Variants in RASA3 observed in about 807,000 individuals in gnomAD.
RASA3 encodes ras GTPase-activating protein 3.
In RASA3, 73 loss-of-function variants were observed where a neutral mutation model predicts 110.0. The ratio of observed to expected loss-of-function variants is 0.66; its 90% CI spans 0.55 to 0.81. The LOEUF is 0.81. Among genes scored for constraint, RASA3 ranks in the 30% least tolerant of loss-of-function variants. The probability of loss-of-function intolerance (pLI) is 0.00; values close to 1 mark genes in which losing one functional copy is unlikely to be tolerated. For missense variants in RASA3, 976 were observed against 1,113.2 expected (o/e 0.88, Z 1.75); for synonymous variants, 500 against 451.4 (o/e 1.11, Z -1.37).
At chr13:114,043,303 A>G (rs1005271151) in intron 3 of RASA3, among the ~76,000 whole-genome samples, 2 of 152,180 alleles carry the variant, frequency 1.3e-5, no homozygotes, top group African/African-American at 2.4e-5. Flanking sequence ...GAGAGACGGA[A>G]TCAGGACAGT....
At chr13:114,033,175 C>T (rs201040866) in intron 4 of RASA3, among the ~76,000 whole-genome samples, 19 of 64,984 alleles carry the variant, frequency 2.9e-4, no homozygotes, top group East Asian at 5.8e-4. Flanking sequence ...ACTGACACCA[C>T]GCCCCACGGC....
chr13:114,095,506 C>G (rs951451317), intron 1 of RASA3, among the ~76,000 whole-genome samples: 2 of 152,202 alleles, frequency 1.3e-5, no homozygotes, highest in African/African-American at 4.8e-5. Flanking sequence ...CCTCCTGCAC[C>G]TGGCTTCCTT....
At chr13:114,043,631 T>G (rs1370981516) in intron 3 of RASA3, among the ~76,000 whole-genome samples, 1 of 151,798 alleles carries the variant, frequency 6.6e-6, no homozygotes, top group Non-Finnish European at 1.5e-5. Flanking sequence ...AAACCACCAC[T>G]GAGGGCAGGC....
At chr13:113,992,195 A>C (rs1013993292) in intron 22 of RASA3, among the ~76,000 whole-genome samples, 9 of 152,256 alleles carry the variant, frequency 5.9e-5, no homozygotes, top group African/African-American at 1.9e-4. Context: ...CTGGAAAACA[A>C]AGGAATGAAA....
intron 2 of RASA3, among the ~76,000 whole-genome samples, chr13:114,072,928 C>T (rs1594424254): frequency 7.4e-6 from 1 of 135,072 alleles, no homozygotes; most frequent in Non-Finnish European, 1.5e-5. Context: ...ACGCTCAGGA[C>T]ATTCTCTACA....
At chr13:114,052,295 C>A (rs1287225933) in intron 2 of RASA3, 140 bp from the exon 3 acceptor site, 3 of 606,170 alleles carry the variant, frequency 4.9e-6, no homozygotes, top group Admixed American at 2.7e-5. Flanking sequence ...CATGAACCTG[C>A]AGCTCCCTGT....
At chr13:114,005,056 G>A (rs747731377) in intron 18 of RASA3, among the ~76,000 whole-genome samples, 1 of 152,204 alleles carries the variant, frequency 6.6e-6, no homozygotes, top group Non-Finnish European at 1.5e-5. Flanking sequence ...CTGGTCCATA[G>A]GAGATAAACA....
chr13:114,034,623 G>A (rs1363125638), intron 4 of RASA3, among the ~76,000 whole-genome samples: 1 of 152,250 alleles, frequency 6.6e-6, no homozygotes, highest in African/African-American at 2.4e-5. Flanking sequence ...ACCCACCCCT[G>A]GAAGGCCCTT....
At chr13:114,121,587 G>A (rs1316464609) in intron 1 of RASA3, among the ~76,000 whole-genome samples, 3 of 152,154 alleles carry the variant, frequency 2.0e-5, no homozygotes, top group East Asian at 3.9e-4. Context: ...GACCTCCGAG[G>A]AACATAAGGA....
rs751447776 is a variant in RASA3 at position 114,007,524 on chromosome 13, C to T, written c.1742+9G>A. The T allele has an allele frequency of 1.2e-6, 2 of 1,609,106 alleles. No individual in the cohort carries two copies. The highest frequency in any genetic ancestry group is 1.1e-5 in the South Asian group (1 of 90,908). On this transcript the variant is annotated intron_variant, in intron 18 of 23. Coordinates refer to ENST00000334062, the MANE Select transcript of RASA3 (RefSeq NM_007368.4). ...CCTGCCCTGCCAGACGCCACCTTAC[C>T]CTCCTTACCCTTCTTTAAGCACGAT... is the stretch of plus-strand genomic sequence containing the variant.
chr13:114,116,910 T>TGTGTGAGGGGTGCAC (rs2080285679), intron 1 of RASA3, among the ~76,000 whole-genome samples: 1 of 59,880 alleles, frequency 1.7e-5, no homozygotes, highest in Non-Finnish European at 4.7e-5. Flanking sequence ...GGGGTGCACG[T>TGTGTGAGGGGTGCAC]GTGTGAGGGG....
At chr13:114,029,965 G>C in intron 4 of RASA3, 78 bp from the exon 5 acceptor site, 1 of 1,362,516 alleles carries the variant, frequency 7.3e-7, no homozygotes, top group South Asian at 1.2e-5. Context: ...CCCAGGGAAA[G>C]CCTAGAGGGC....
intron 1 of RASA3, among the ~76,000 whole-genome samples, chr13:114,116,769 T>TGA (rs2080280856): frequency 7.8e-6 from 1 of 127,824 alleles, no homozygotes; most frequent in African/African-American, 3.1e-5. Flanking sequence ...GTGTGAGGGG[T>TGA]GCACGTGTGT....
chr13:114,025,061 A>G (rs2054002472), intron 7 of RASA3, among the ~76,000 whole-genome samples: 1 of 151,950 alleles, frequency 6.6e-6, no homozygotes, highest in South Asian at 2.1e-4. Flanking sequence ...TTTAACCACC[A>G]TCAGCCGTGC....
In RASA3 at chr13:114,013,361, C is replaced by CT. The variant is rs2053683760; in HGVS notation, c.1406-114dup. On this transcript the variant is annotated intron_variant, in intron 14 of 23. Transcript: ENST00000334062. ...GGGAAGTCCAGCCACAGTCCTGGCT[C>CT]TATCTCCACCTGTGTCTGTCTCTCT... 1.0e-5 allele frequency: 6 copies of CT among 572,446 alleles called. No homozygotes were observed. In the South Asian group the frequency reaches 1.3e-4, roughly 12 times the overall value. The allele number at this position is 572,446 out of a possible 1,614,324, so 35.5% of individuals were successfully genotyped here. A position where few individuals can be genotyped will look rare whatever the true frequency, so the allele number is the denominator to read the frequency against.
At chr13:114,091,262 C>T (rs9525255) in intron 1 of RASA3, among the ~76,000 whole-genome samples, 42,385 of 151,662 alleles carry the variant, frequency 0.28, 6,926 homozygotes, top group Non-Finnish European at 0.37. Flanking sequence ...GAAAGGCTTC[C>T]GAGATTTCCC....
chr13:114,043,821 C>A (rs1594376862), intron 3 of RASA3, among the ~76,000 whole-genome samples: 2 of 149,574 alleles, frequency 1.3e-5, no homozygotes, highest in South Asian at 4.2e-4. Flanking sequence ...TCCGCCTGGC[C>A]CACCTCACTC....
In RASA3 at chr13:114,065,326, C is replaced by G. The variant is rs553331231; in HGVS notation, c.173+8394G>C. 1.2e-4 allele frequency among the ~76,000 whole-genome samples: 18 copies of G among 152,344 alleles called. No individual in the cohort carries two copies. The East Asian group carries it at 3.5e-3, about 29-fold the overall frequency. On this transcript the variant is annotated intron_variant, in intron 2 of 23. Transcript: ENST00000334062. The surrounding 1 kb of genome is among the most constrained non-coding windows in gnomAD (Gnocchi z 4.1). ...CCAGCTCTGTGCTCTGCCGCAGGCT[C>G]GGGGCCCATTTCCCAAACGCTGGGG...
intron 2 of RASA3, among the ~76,000 whole-genome samples, chr13:114,063,563 C>G (rs1471802761): frequency 2.0e-5 from 3 of 152,152 alleles, no homozygotes; most frequent in Non-Finnish European, 4.4e-5. Flanking sequence ...CACATCAGGC[C>G]ATGGGCCACT....
Sources: gnomAD v4.1 joint callset for allele counts (sites outside exome capture counted in the v4.1 genomes callset) on GRCh38, gnomAD v4.1.1 for gene constraint, Gnocchi (gnomAD v3.1) non-coding constraint, MANE v1.5 for transcripts, NCBI Gene and HGNC (gene_info 2026-07-23, HGNC 2026-07-21) for gene names.